CFAP47: variants seen among roughly 807,000 people sequenced by gnomAD.
CFAP47 encodes the protein cilia and flagella associated protein 47.
A neutral mutation model predicts 148.1 loss-of-function variants in CFAP47; 29 were observed. The ratio of observed to expected loss-of-function variants is 0.20; its 90% CI spans 0.15 to 0.27. CFAP47 has a LOEUF of 0.27. CFAP47 is among the 10% of genes least tolerant of loss of function. CFAP47 has a pLI of 1.00. For synonymous variants in CFAP47, 664 were observed against 577.3 expected (o/e 1.15, Z -2.15); for missense variants, 1,872 against 1,697.5 (o/e 1.10, Z -1.81).
intron 60 of CFAP47, among the ~76,000 whole-genome samples, chrX:36,357,064 G>A (rs1941791608): frequency 8.9e-6 from 1 of 111,914 alleles, no homozygotes; most frequent in African/African-American, 3.3e-5. Flanking sequence ...TTACACATGA[G>A]CGAGTAGAAG....
intron 33 of CFAP47, among the ~76,000 whole-genome samples, chrX:36,135,253 A>G (rs1410738104): frequency 9.0e-6 from 1 of 111,158 alleles, no homozygotes; most frequent in Non-Finnish European, 1.9e-5. Flanking sequence ...TACTCATGTA[A>G]TCAAGTACCA....
At chrX:35,953,876 G>A (rs1165931706) in intron 7 of CFAP47, among the ~76,000 whole-genome samples, 157 bp downstream of exon 7, 1 of 111,563 alleles carries the variant, frequency 9.0e-6, no homozygotes, top group Non-Finnish European at 1.9e-5. Flanking sequence ...GTCATCTGTG[G>A]CATGTTAAGA....
chrX:35,951,131 A>C lies in CFAP47; in HGVS notation c.657A>C (p.Ile219=). The C allele has an allele frequency of 1.7e-6, 2 of 1,183,960 alleles. No individual in the cohort carries two copies. The highest frequency in any genetic ancestry group is 1.1e-6 in the Non-Finnish European group (1 of 870,297). ...DQPRIVDEEA[I]VILQGQPEML... ...ATGTGCATATCTTATTATCCTGTAG[A>C]GTGATTTTGCAAGGTCAACCTGAGA... The change falls in exon 5 of 64, where the codon ATA becomes ATC. Residue 219 remains isoleucine, a splice_region_variant and synonymous_variant. Coordinates refer to ENST00000378653, the MANE Select transcript of CFAP47 (RefSeq NM_001304548.2).
intron 33 of CFAP47, among the ~76,000 whole-genome samples, chrX:36,116,474 G>A (rs1424799669): frequency 8.9e-6 from 1 of 112,089 alleles, no homozygotes; most frequent in African/African-American, 3.2e-5. Context: ...AATAGTTAAC[G>A]AGCTTAGGTG....
At chrX:36,377,900 G>T (rs113711766) in intron 62 of CFAP47, among the ~76,000 whole-genome samples, 3,638 of 112,004 alleles carry the variant, frequency 0.032, 147 homozygotes, top group African/African-American at 0.11. Context: ...CAACACTAAA[G>T]TAGGGAAAAG....
intron 29 of CFAP47, among the ~76,000 whole-genome samples, chrX:36,074,283 G>A (rs1188141480): frequency 9.0e-6 from 1 of 111,332 alleles, no homozygotes. Flanking sequence ...CTTCTTTCTT[G>A]AACCTGAAGA....
At chrX:36,115,857 A>T (rs1447323582) in intron 33 of CFAP47, among the ~76,000 whole-genome samples, 1 of 111,902 alleles carries the variant, frequency 8.9e-6, no homozygotes, top group Admixed American at 9.5e-5. Flanking sequence ...TCAGAAGAAT[A>T]ACTGCATCTA....
At chrX:36,183,276 G>A (rs755596128) in intron 40 of CFAP47, among the ~76,000 whole-genome samples, 152 of 110,912 alleles carry the variant, frequency 1.4e-3, no homozygotes, top group African/African-American at 3.1e-3. Flanking sequence ...ATGAGATTGC[G>A]CCACTGCACT....
At chrX:36,072,002 A>G in intron 28 of CFAP47, 31 bp downstream of exon 28, 1 of 1,105,236 alleles carries the variant, frequency 9.0e-7, no homozygotes, top group Non-Finnish European at 1.2e-6. Flanking sequence ...GTACTTTCCA[A>G]AATTAGTCCA....
chrX:36,110,842 G>C (rs1938544035), intron 33 of CFAP47, among the ~76,000 whole-genome samples: 1 of 111,157 alleles, frequency 9.0e-6, no homozygotes, highest in African/African-American at 3.3e-5. Context: ...GTTATTCCTA[G>C]GTGTTTTATA....
At chrX:36,382,829 G>T (rs1235425787) in intron 63 of CFAP47, among the ~76,000 whole-genome samples, 1 of 110,798 alleles carries the variant, frequency 9.0e-6, no homozygotes, top group Non-Finnish European at 1.9e-5. Context: ...AATCAATGTG[G>T]TAATTCTATG....
At chrX:36,201,584 T>G (rs962162964) in intron 44 of CFAP47, 84 bp downstream of exon 44, 28 of 290,820 alleles carry the variant, frequency 9.6e-5, no homozygotes, top group Non-Finnish European at 1.6e-4. Flanking sequence ...CTATTTAAAA[T>G]ATTATTTTCA....
chrX:35,953,553 A>C (rs6632432), intron 6 of CFAP47, 39 bp from the exon 7 acceptor site: 114,225 of 1,081,994 alleles, frequency 0.11, 11,317 homozygotes, highest in African/African-American at 0.6. Context: ...AAGTATATCA[A>C]CTTTGCTTTA....
At chrX:36,078,595 G>T (rs189387370) in intron 29 of CFAP47, among the ~76,000 whole-genome samples, 3,106 of 110,255 alleles carry the variant, frequency 0.028, 46 homozygotes, top group Non-Finnish European at 0.041. Context: ...AGCCTATGTG[G>T]GTCTCTGCAC....
chrX:36,272,370 A>G (rs1485702682), intron 49 of CFAP47, among the ~76,000 whole-genome samples: 1 of 111,640 alleles, frequency 9.0e-6, no homozygotes, highest in Admixed American at 9.5e-5. Context: ...TGCAAGGCCA[A>G]AGAACAATAA....
intron 49 of CFAP47, among the ~76,000 whole-genome samples, chrX:36,278,849 A>G (rs1262773247): frequency 9.0e-6 from 1 of 111,718 alleles, no homozygotes; most frequent in Non-Finnish European, 1.9e-5. Context: ...CTTATTTAGG[A>G]CTACCAACAT....
At chrX:36,374,484 C>G (rs1471880841) in intron 62 of CFAP47, among the ~76,000 whole-genome samples, 1 of 110,631 alleles carries the variant, frequency 9.0e-6, no homozygotes, top group African/African-American at 3.3e-5. Flanking sequence ...TTTTAAAATA[C>G]TCTTTGTTTT....
Position 36,036,452 on chromosome X carries a change from A to C in CFAP47, c.3811+598A>C, listed in dbSNP as rs1226262130. ...TACATCACAATTTCTTTATCCACTC[A>C]TCCATCAATGGACACTTTTATAATC... On this transcript the variant is annotated intron_variant, in intron 24 of 63. Transcript: ENST00000378653. Among the ~76,000 whole-genome samples, 19 of 110,710 alleles carry C rather than the reference A, an allele frequency of 1.7e-4. No homozygotes were observed. The Admixed American group carries it at 1.8e-3, about 11-fold the overall frequency.
chrX:36,302,073 C>T (rs1225325069), intron 53 of CFAP47, among the ~76,000 whole-genome samples: 1 of 108,122 alleles, frequency 9.2e-6, no homozygotes, highest in Non-Finnish European at 1.9e-5. Context: ...ATATTTTATT[C>T]CTATTTTTCT....
Sources: gnomAD v4.1 joint callset for allele counts (sites outside exome capture counted in the v4.1 genomes callset) on GRCh38, gnomAD v4.1.1 for gene constraint, MANE v1.5 for transcripts, NCBI Gene and HGNC (gene_info 2026-07-23, HGNC 2026-07-21) for gene names.